CRACD: variants seen among roughly 807,000 people sequenced by gnomAD.
CRACD encodes the protein capping protein inhibiting regulator of actin dynamics.
A neutral mutation model predicts 106.8 loss-of-function variants in CRACD; 56 were observed. The ratio of observed to expected loss-of-function variants is 0.52; its 90% CI spans 0.42 to 0.66. The LOEUF is 0.66. CRACD is among the 30% of genes least tolerant of loss of function. The pLI, the probability that CRACD is intolerant of heterozygous loss-of-function variation, is 0.00. For missense variants in CRACD, 1,730 were observed against 1,623.2 expected (o/e 1.07, Z -1.13); for synonymous variants, 754 against 670.8 (o/e 1.12, Z -1.92).
At chr4:56,193,999 A>C (rs1419107496) in intron 2 of CRACD, among the ~76,000 whole-genome samples, 2 of 152,016 alleles carry the variant, frequency 1.3e-5, no homozygotes, top group African/African-American at 4.8e-5. Context: ...CAATAAGAGC[A>C]CTATAAAAGT....
At chr4:56,307,833 C>A (rs1016523829) in intron 5 of CRACD, 134 bp downstream of exon 5, 1 of 820,104 alleles carries the variant, frequency 1.2e-6, no homozygotes, top group Non-Finnish European at 1.9e-6. Flanking sequence ...GGCTTGAGGG[C>A]ACTTCCTGGT....
At position 56,140,454 on chromosome 4, in the gene CRACD, C is replaced by T. The variant is rs189972039; in HGVS notation, c.-335-38830C>T. Reference sequence around the variant, plus strand: ...ATTGCTATTTTAATAACTTCTTTCTCTCATTCTCTGAAGCATGCATACACA... The same window carrying T: ...ATTGCTATTTTAATAACTTCTTTCTTTCATTCTCTGAAGCATGCATACACA... On this transcript the variant is annotated intron_variant, in intron 1 of 10. Transcript: ENST00000682029. Among the ~76,000 whole-genome samples the T allele has an allele frequency of 1.7e-4, 26 of 152,272 alleles. No individual in the cohort carries two copies. In the East Asian group the frequency reaches 4.6e-3, roughly 27 times the overall value.
chr4:56,053,930 A>G (rs552596667), intron 1 of CRACD, among the ~76,000 whole-genome samples: 2 of 152,344 alleles, frequency 1.3e-5, no homozygotes, highest in South Asian at 2.1e-4. Flanking sequence ...TTTGAACATC[A>G]GATTTCATCC....
At chr4:56,050,273 A>AGTGTGTGTGT (rs3036783) in intron 1 of CRACD, among the ~76,000 whole-genome samples, 7 of 134,476 alleles carry the variant, frequency 5.2e-5, no homozygotes, top group South Asian at 5.1e-4. Flanking sequence ...TAGGTGAGGG[A>AGTGTGTGTGT]GTGTGTGTGT....
At chr4:56,066,361 T>A (rs1732467919) in intron 1 of CRACD, among the ~76,000 whole-genome samples, 1 of 152,160 alleles carries the variant, frequency 6.6e-6, no homozygotes, top group South Asian at 2.1e-4. Context: ...CGAGGAGTTT[T>A]TCATCATAGC....
In CRACD at chr4:56,324,193, C is replaced by G. The variant is rs751200174; in HGVS notation, c.3468C>G (p.Pro1156=). The change falls in exon 10 of 11, where the codon CCC becomes CCG. Residue 1156 remains proline, a synonymous_variant. Transcript: ENST00000682029. ...KSTALPEEKR[P]ETAVSRLERR... Reference sequence around the variant, plus strand: ...CTGCTCTGCCAGAAGAGAAGAGGCCCGAGACTGCAGTGTCCAGGCTTGAGC... The same window carrying G: ...CTGCTCTGCCAGAAGAGAAGAGGCCGGAGACTGCAGTGTCCAGGCTTGAGC... The G allele has an allele frequency of 1.2e-6, 2 of 1,614,058 alleles. No individual in the cohort carries two copies. The highest frequency in any genetic ancestry group is 3.3e-5 in the Admixed American group (2 of 60,014).
intron 1 of CRACD, among the ~76,000 whole-genome samples, chr4:56,145,437 A>T (rs1019650948): frequency 1.3e-5 from 2 of 152,158 alleles, no homozygotes; most frequent in African/African-American, 4.8e-5. Flanking sequence ...AAGGTTTAGT[A>T]TGTAGTTTTC....
chr4:56,230,944 T>C (rs1328176797), intron 2 of CRACD, among the ~76,000 whole-genome samples: 4 of 152,218 alleles, frequency 2.6e-5, no homozygotes, highest in Non-Finnish European at 5.9e-5. Context: ...TGTCATCGCC[T>C]CTGAACATCA....
At chr4:56,212,370 A>G (rs898526786) in intron 2 of CRACD, among the ~76,000 whole-genome samples, 2 of 152,228 alleles carry the variant, frequency 1.3e-5, no homozygotes, top group Non-Finnish European at 2.9e-5. Context: ...TAATCAAGAA[A>G]TAACCGTAAA....
chr4:56,195,318 A>T (rs1344240252), intron 2 of CRACD, among the ~76,000 whole-genome samples: 1 of 152,178 alleles, frequency 6.6e-6, no homozygotes, highest in African/African-American at 2.4e-5. Flanking sequence ...ATGGCAAAAT[A>T]TTGTAAGAAA....
At chr4:56,142,576 CA>C (rs1735241809) in intron 1 of CRACD, among the ~76,000 whole-genome samples, 1 of 151,982 alleles carries the variant, frequency 6.6e-6, no homozygotes, top group Non-Finnish European at 1.5e-5. Context: ...TTCTACCTAC[CA>C]GTCTTTTCTT....
intron 5 of CRACD, among the ~76,000 whole-genome samples, 180 bp from the exon 6 acceptor site, chr4:56,310,486 A>G (rs1027774326): frequency 6.6e-6 from 1 of 152,188 alleles, no homozygotes; most frequent in African/African-American, 2.4e-5. Flanking sequence ...TGTCTCAGGT[A>G]GTGCTGGTGG....
At position 56,198,645 on chromosome 4, in the gene CRACD, T is replaced by A. The variant is rs150934665; in HGVS notation, c.-189+19215T>A. On this transcript the variant is annotated intron_variant, in intron 2 of 10. Transcript: ENST00000682029. Reference sequence around the variant, plus strand: ...ACGATGCTCTGAGTTATTTCACAAGTACCATTTTTCTTAAGAGTCAGGGCC... The same window carrying A: ...ACGATGCTCTGAGTTATTTCACAAGAACCATTTTTCTTAAGAGTCAGGGCC... Among the ~76,000 whole-genome samples, 194 of 152,238 alleles carry A rather than the reference T, an allele frequency of 1.3e-3. 1 individual carries two copies. Among genetic ancestry groups the A allele is most frequent in the African/African-American group, 4.3e-3 (179 of 41,528 alleles).
chr4:56,122,490 C>T (rs985102820), intron 1 of CRACD, among the ~76,000 whole-genome samples: 1 of 152,146 alleles, frequency 6.6e-6, no homozygotes, highest in Non-Finnish European at 1.5e-5. Context: ...GCTTGATACA[C>T]CACTGATTCG....
At chr4:56,139,714 T>C (rs563209960) in intron 1 of CRACD, among the ~76,000 whole-genome samples, 2 of 152,272 alleles carry the variant, frequency 1.3e-5, no homozygotes, top group African/African-American at 4.8e-5. Flanking sequence ...TGGGAGAAGA[T>C]GGGTTTATGT....
chr4:56,279,407 G>A (rs1044736093), intron 3 of CRACD, among the ~76,000 whole-genome samples: 2 of 152,134 alleles, frequency 1.3e-5, no homozygotes, highest in Non-Finnish European at 2.9e-5. Flanking sequence ...ATCTGACAAA[G>A]GGCTGATATC....
intron 2 of CRACD, among the ~76,000 whole-genome samples, chr4:56,190,404 CA>C (rs1358209977): frequency 1.3e-5 from 2 of 152,192 alleles, no homozygotes; most frequent in Non-Finnish European, 1.5e-5. Context: ...CACTGACTTC[CA>C]CAACGGTTGA....
chr4:56,169,495 TA>T (rs1160683414), intron 1 of CRACD, among the ~76,000 whole-genome samples: 2 of 152,082 alleles, frequency 1.3e-5, no homozygotes, highest in Non-Finnish European at 2.9e-5. Flanking sequence ...GAGTTTCCTT[TA>T]AGTGTATTGG....
At chr4:56,258,443 A>G (rs1433432622) in intron 2 of CRACD, among the ~76,000 whole-genome samples, 4 of 152,236 alleles carry the variant, frequency 2.6e-5, no homozygotes, top group Admixed American at 2.6e-4. Flanking sequence ...AGGCTTTGTC[A>G]TGAGCATGTT....
Sources: gnomAD v4.1 joint callset for allele counts (sites outside exome capture counted in the v4.1 genomes callset) on GRCh38, gnomAD v4.1.1 for gene constraint, MANE v1.5 for transcripts, NCBI Gene and HGNC (gene_info 2026-07-23, HGNC 2026-07-21) for gene names.